Variants in AKAP9 observed in about 807,000 individuals in gnomAD.
AKAP9 encodes A-kinase anchor protein 9.
In AKAP9, 311 loss-of-function variants were observed where a neutral mutation model predicts 488.5. The observed-to-expected ratio is 0.64, with a 90% CI of 0.58 to 0.70. The LOEUF (loss-of-function observed/expected upper bound fraction) is 0.70. Ranked by LOEUF, AKAP9 falls within the 30% of genes least tolerant of loss-of-function variation. AKAP9 has a pLI of 0.00. For synonymous variants in AKAP9, 1,462 were observed against 1,483.5 expected, an observed-to-expected ratio of 0.99 and a Z score of 0.33; for missense variants, 4,215 against 4,374.5, an observed-to-expected ratio of 0.96 and a Z score of 1.03.
chr7:92,046,316 C>G (rs1806992808), intron 21 of AKAP9, among the ~76,000 whole-genome samples: 1 of 152,172 alleles, frequency 6.6e-6, no homozygotes, highest in African/African-American at 2.4e-5. Context: ...ACTACCATTC[C>G]ACACTCAAGC....
rs1435325796 is a variant in AKAP9 at position 91,967,904 on chromosome 7, G to A, written c.49-5807G>A. Among the ~76,000 whole-genome samples, 3 of 152,192 alleles carry A rather than the reference G, an allele frequency of 2.0e-5. No individual in the cohort carries two copies. In the East Asian group the frequency reaches 5.8e-4, roughly 29 times the overall value. On this transcript the variant is annotated intron_variant, in intron 1 of 49. Coordinates refer to ENST00000356239, the MANE Select transcript of AKAP9 (RefSeq NM_005751.5). ...TTTAAATGTTTGGTAGAATTCAGAA[G>A]TGAAGCCATCAAGTCCTGGGCTTTT...
In AKAP9 at chr7:92,079,779, A is replaced by G; in HGVS notation, c.7646A>G (p.Glu2549Gly). 1 of 1,614,088 alleles carries G rather than the reference A, an allele frequency of 6.2e-7. No homozygotes were observed. Among genetic ancestry groups the G allele is most frequent in the Non-Finnish European group, 8.5e-7 (1 of 1,179,984 alleles). The change falls in exon 31 of 50, where the codon GAA becomes GGA. Residue 2549 changes from glutamate to glycine, a missense_variant. Physicochemically the swap from Glu to Gly is moderately conservative, Grantham distance 98. Coordinates refer to ENST00000356239, the MANE Select transcript of AKAP9 (RefSeq NM_005751.5). ...KIVNLQKIVE[E>G]KVAAALVSQI... ...GTAAACCTACAGAAAATAGTTGAAGAAAAAGTGGCTGCTGCTCTTGTCAGT... is the reference window on the plus strand; with the variant it reads ...GTAAACCTACAGAAAATAGTTGAAGGAAAAGTGGCTGCTGCTCTTGTCAGT...
intron 9 of AKAP9, among the ~76,000 whole-genome samples, chr7:92,013,560 G>T (rs1486787209): frequency 6.6e-6 from 1 of 152,150 alleles, no homozygotes; most frequent in Non-Finnish European, 1.5e-5. Flanking sequence ...GTGAGTTGGG[G>T]GAGGTAAGAG....
chr7:91,991,278 C>A (rs1408982974), intron 3 of AKAP9, among the ~76,000 whole-genome samples: 4 of 150,230 alleles, frequency 2.7e-5, no homozygotes, highest in Non-Finnish European at 5.9e-5. Context: ...AAAGTTATTG[C>A]AAATGTCTTG....
intron 1 of AKAP9, among the ~76,000 whole-genome samples, chr7:91,958,639 A>G (rs1181133628): frequency 6.6e-6 from 1 of 152,160 alleles, no homozygotes; most frequent in Admixed American, 6.5e-5. Flanking sequence ...ATTAGTAAAT[A>G]TACTTTAGAG....
At chr7:92,074,454 C>T (rs145989100) in intron 28 of AKAP9, among the ~76,000 whole-genome samples, 1,603 of 152,192 alleles carry the variant, frequency 0.011, 26 homozygotes, top group African/African-American at 0.037. Flanking sequence ...GACAGTGTGG[C>T]GATTCCTCAA....
At chr7:91,942,149 A>G (rs1295337339) in intron 1 of AKAP9, among the ~76,000 whole-genome samples, 1 of 152,168 alleles carries the variant, frequency 6.6e-6, no homozygotes. Flanking sequence ...GTTAGCAGTC[A>G]TACTTGGACA....
At chr7:92,013,603 C>G (rs576828451) in intron 9 of AKAP9, among the ~76,000 whole-genome samples, 107 of 152,188 alleles carry the variant, frequency 7.0e-4, no homozygotes, top group Non-Finnish European at 1.2e-3. Flanking sequence ...GCAACTAAAG[C>G]TGTCCTTTCC....
Position 91,941,030 on chromosome 7 carries a change from A to G in AKAP9, c.-70A>G, listed in dbSNP as rs1205870478. The G allele has an allele frequency of 2.7e-6, 4 of 1,507,208 alleles. No homozygotes were observed. The highest frequency in any genetic ancestry group is 3.7e-6 in the Non-Finnish European group (4 of 1,082,832). 93.4% of individuals were successfully genotyped at this position (1,507,208 alleles called of 1,614,324 possible). ...GAGCTTGCCGTCCCACCTCCGTCCAAATCGACCTTTCCTTTCTATCCCCAA... is the reference window on the plus strand; with the variant it reads ...GAGCTTGCCGTCCCACCTCCGTCCAGATCGACCTTTCCTTTCTATCCCCAA... On this transcript the variant is annotated 5_prime_UTR_variant, in exon 1 of 50. Transcript: ENST00000356239.
intron 1 of AKAP9, among the ~76,000 whole-genome samples, chr7:91,944,293 G>T (rs928358435): frequency 3.3e-5 from 5 of 151,770 alleles, no homozygotes; most frequent in Admixed American, 1.3e-4. Flanking sequence ...GCTATCTCTG[G>T]GTGGTGGCTT....
chr7:92,102,170 A>AAAAATAAAT (rs1554469467), intron 45 of AKAP9, among the ~76,000 whole-genome samples: 3 of 135,018 alleles, frequency 2.2e-5, no homozygotes, highest in African/African-American at 8.8e-5. Context: ...ATTTAAAAAA[A>AAAAATAAAT]AAATAAATAA....
chr7:92,109,049 GAA>G (rs36114838), intron 49 of AKAP9: 2,756 of 174,856 alleles, frequency 0.016, no homozygotes, highest in Middle Eastern at 0.038. Context: ...CTGTCTCAAA[GAA>G]AAAAAAAAAA....
chr7:92,004,034 G>T (rs1009882984), intron 8 of AKAP9, among the ~76,000 whole-genome samples: 1 of 152,154 alleles, frequency 6.6e-6, no homozygotes, highest in African/African-American at 2.4e-5. Context: ...AGTGAGGGAG[G>T]CAGATGATAA....
Position 91,949,314 on chromosome 7 carries a change from G to A in AKAP9, c.48+8167G>A, listed in dbSNP as rs1791904076. ...GGGCTTTGCCAAAATTTAAATTGTTGCTTCCTTTGAGTGATAGGTTCTTGG... is the reference window on the plus strand; with the variant it reads ...GGGCTTTGCCAAAATTTAAATTGTTACTTCCTTTGAGTGATAGGTTCTTGG... On this transcript the variant is annotated intron_variant, in intron 1 of 49. Transcript: ENST00000356239. Among the ~76,000 whole-genome samples the A allele has an allele frequency of 2.6e-5, 4 of 151,908 alleles. No homozygotes were observed. In the South Asian group the frequency reaches 6.3e-4, roughly 24 times the overall value.
In AKAP9 at chr7:92,084,665, A is replaced by ATT. The variant is rs1188956620; in HGVS notation, c.8673_8674dup (p.Ser2892PhefsTer33). ...GGATCCTCAATTCCTGAGCTAGCAC[A>ATT]TTCTGATGCTTACCAGACTAGAGAA... On this transcript the variant is annotated frameshift_variant, in exon 34 of 50. Transcript: ENST00000356239. LOFTEE classifies it high-confidence loss of function. The ATT allele has an allele frequency of 6.2e-7, 1 of 1,610,808 alleles. No homozygotes were observed. The highest frequency in any genetic ancestry group is 1.7e-5 in the Admixed American group (1 of 59,988).
intron 1 of AKAP9, among the ~76,000 whole-genome samples, chr7:91,950,496 C>T (rs936900586): frequency 1.3e-5 from 2 of 152,156 alleles, no homozygotes; most frequent in Non-Finnish European, 1.5e-5. Context: ...TCCCAAAGTG[C>T]TGGGATTACA....
At chr7:92,040,395 CT>C (rs531890924) in intron 17 of AKAP9, among the ~76,000 whole-genome samples, 2 of 151,654 alleles carry the variant, frequency 1.3e-5, no homozygotes, top group African/African-American at 4.8e-5. Context: ...TATCTTAGTT[CT>C]TTTTTTTCTA....
chr7:92,009,693 TAAG>T (rs910628952), intron 8 of AKAP9, among the ~76,000 whole-genome samples: 1 of 152,218 alleles, frequency 6.6e-6, no homozygotes, highest in African/African-American at 2.4e-5. Context: ...GAAGACCTGA[TAAG>T]AACACTACAA....
chr7:92,094,036 A>T (rs950264020), intron 39 of AKAP9, among the ~76,000 whole-genome samples: 3 of 151,656 alleles, frequency 2.0e-5, no homozygotes, highest in Non-Finnish European at 2.9e-5. Flanking sequence ...TTTTCAATAG[A>T]GACAGAGTTT....
Sources: allele counts gnomAD v4.1 joint callset (sites outside exome capture counted in the v4.1 genomes callset), GRCh38; gene constraint gnomAD v4.1.1; transcripts MANE v1.5; gene names NCBI Gene and HGNC (gene_info 2026-07-23, HGNC 2026-07-21).